Variants in UNC80 observed in about 807,000 individuals in gnomAD.
UNC80 encodes the protein unc-80 subunit of NALCN channel complex.
A neutral mutation model predicts 384.6 loss-of-function variants in UNC80; 164 were observed. The ratio of observed to expected loss-of-function variants is 0.43; its 90% CI spans 0.38 to 0.49. The LOEUF (loss-of-function observed/expected upper bound fraction) is 0.49. Ranked by LOEUF, UNC80 falls within the 20% of genes least tolerant of loss-of-function variation. The pLI, the probability that UNC80 is intolerant of heterozygous loss-of-function variation, is 0.00. For synonymous variants in UNC80, 1,486 were observed against 1,527.8 expected, an observed-to-expected ratio of 0.97 and a Z score of 0.64; for missense variants, 3,330 against 4,143.0, an observed-to-expected ratio of 0.80 and a Z score of 5.39.
intron 29 of UNC80, among the ~76,000 whole-genome samples, chr2:209,905,821 A>G (rs2088124844): frequency 6.6e-6 from 1 of 152,192 alleles, no homozygotes; most frequent in Non-Finnish European, 1.5e-5. Flanking sequence ...AACTACCCTG[A>G]GCAGCTGAGC....
chr2:209,774,341 A>G (rs897582358), intron 2 of UNC80, among the ~76,000 whole-genome samples: 8 of 152,188 alleles, frequency 5.3e-5, no homozygotes, highest in Non-Finnish European at 1.0e-4. Flanking sequence ...GACACTTGAA[A>G]TCTCAGACTT....
intron 22 of UNC80, among the ~76,000 whole-genome samples, chr2:209,870,927 C>T (rs776710728): frequency 1.1e-4 from 16 of 151,998 alleles, no homozygotes; most frequent in African/African-American, 3.1e-4. Flanking sequence ...CTCTGCAAGC[C>T]GTGAGACAAC....
chr2:209,802,430 T>C, intron 7 of UNC80, among the ~76,000 whole-genome samples: 1 of 152,286 alleles, frequency 6.6e-6, no homozygotes, highest in East Asian at 1.9e-4. Flanking sequence ...TATAATATTA[T>C]CCATCAATTT....
At chr2:209,776,708 T>C (rs1267887314) in intron 3 of UNC80, among the ~76,000 whole-genome samples, 3 of 152,248 alleles carry the variant, frequency 2.0e-5, no homozygotes, top group Non-Finnish European at 4.4e-5. Context: ...AAGCAACCAC[T>C]CTCATGAACT....
chr2:209,891,204 A>G (rs2086290176), intron 26 of UNC80, among the ~76,000 whole-genome samples: 1 of 152,188 alleles, frequency 6.6e-6, no homozygotes. Context: ...CAAGATCAAA[A>G]CGTTTTCACA....
intron 22 of UNC80, among the ~76,000 whole-genome samples, chr2:209,856,983 T>A (rs1362059623): frequency 6.6e-6 from 1 of 151,916 alleles, no homozygotes; most frequent in Non-Finnish European, 1.5e-5. Context: ...AGAGAAGGGG[T>A]TTCACCATAT....
intron 8 of UNC80, 85 bp downstream of exon 8, chr2:209,813,926 G>A (rs1306783986): frequency 6.8e-7 from 1 of 1,477,352 alleles, no homozygotes; most frequent in Non-Finnish European, 9.0e-7. Flanking sequence ...CAGCTCTTAG[G>A]TACTCTAGTG....
chr2:209,815,369 T>C lies in UNC80; in HGVS notation c.1313T>C (p.Leu438Pro), dbSNP rs200743585. 2.6e-4 allele frequency: 410 copies of C among 1,551,296 alleles called. No individual in the cohort carries two copies. The highest frequency in any genetic ancestry group is 4.5e-4 in the Admixed American group (23 of 50,866). ...RSAVPDLSSD[L>P]GMNIFKKFKS... Reference sequence around the variant, plus strand: ...GCAGTCCCAGATCTTTCTTCAGACCTGGGCATGAATATTTTTAAAAAGGTG... The same window carrying C: ...GCAGTCCCAGATCTTTCTTCAGACCCGGGCATGAATATTTTTAAAAAGGTG... Residue 438 changes from leucine to proline, a missense_variant, in exon 9 of 65, where the codon CTG becomes CCG. Leu to Pro is a moderately conservative substitution (Grantham distance 98). Transcript: ENST00000673920.
chr2:209,836,127 A>G (rs2081323208), intron 18 of UNC80, among the ~76,000 whole-genome samples: 1 of 152,010 alleles, frequency 6.6e-6, no homozygotes, highest in South Asian at 2.1e-4. Flanking sequence ...ATGAAAGGAT[A>G]AAAGTGTCAG....
rs992743372 is a variant in UNC80, at chr2:209,967,199, A to T, written c.7806-238A>T. Among the ~76,000 whole-genome samples the T allele has an allele frequency of 5.3e-5, 8 of 152,160 alleles. No individual in the cohort carries two copies. In the South Asian group the frequency reaches 1.0e-3, roughly 20 times the overall value. On this transcript the variant is annotated intron_variant, in intron 51 of 64. Transcript: ENST00000673920. ...CTCTGGATTTTAGTTTCCTCATCAG[A>T]TGCTCTTTACATGTTGTCTCTGAAG...
chr2:209,858,477 G>A (rs560496770), intron 22 of UNC80, among the ~76,000 whole-genome samples: 3 of 152,188 alleles, frequency 2.0e-5, no homozygotes, highest in Admixed American at 2.0e-4. Context: ...GGAGGCCAAG[G>A]TGGGCGGATC....
In UNC80 at chr2:209,959,505, C is replaced by G; in HGVS notation, c.7603C>G (p.Leu2535Val). ...LHFIRENLHL[L>V]EEGQGIPREE... ...ATTTCCCAGGGAAAACCTTCATTTACTGGAGGAAGGGCAAGGCATTCCCAG... is the reference window on the plus strand; with the variant it reads ...ATTTCCCAGGGAAAACCTTCATTTAGTGGAGGAAGGGCAAGGCATTCCCAG... The change falls in exon 51 of 65, where the codon CTG becomes GTG. Residue 2535 changes from leucine to valine, a missense_variant. Transcript: ENST00000673920. 1 of 1,551,636 alleles carries G rather than the reference C, an allele frequency of 6.4e-7. No homozygotes were observed.
chr2:209,790,333 G>A (rs1197161207), intron 6 of UNC80, among the ~76,000 whole-genome samples: 1 of 152,100 alleles, frequency 6.6e-6, no homozygotes, highest in African/African-American at 2.4e-5. Flanking sequence ...CTTTCCAACT[G>A]TTATTACTCA....
intron 13 of UNC80, 116 bp from the exon 14 acceptor site, chr2:209,825,791 C>A: frequency 2.1e-6 from 2 of 937,454 alleles, no homozygotes; most frequent in Non-Finnish European, 1.4e-6. Context: ...TTCCAAATTG[C>A]AGGTGCTCCC....
chr2:209,984,884 G>T lies in UNC80; in HGVS notation c.9286G>T (p.Gly3096Cys). 1 of 1,550,374 alleles carries T rather than the reference G, an allele frequency of 6.5e-7. No individual in the cohort carries two copies. Among genetic ancestry groups the T allele is most frequent in the Non-Finnish European group, 8.7e-7 (1 of 1,146,526 alleles). ...SEPNVLDDSQ[G>C]LAAEGSLSRV... ...ACCTAATGTCCTCGATGACTCCCAG[G>T]GCCTGGCCGCCGAGGGCAGCCTCTC... The change falls in exon 61 of 65, where the codon GGC becomes TGC. Residue 3096 changes from glycine to cysteine, a missense_variant. Gly to Cys is a radical substitution (Grantham distance 159, BLOSUM62 -3). Around this residue, in one of 8 missense-constraint regions of UNC80, gnomAD observed 216 missense variants for 245.3 expected, o/e 0.88. Transcript: ENST00000673920.
intron 18 of UNC80, among the ~76,000 whole-genome samples, chr2:209,837,153 A>G (rs982453807): frequency 2.6e-5 from 4 of 152,248 alleles, no homozygotes; most frequent in African/African-American, 9.6e-5. Context: ...ATGAGATTTT[A>G]AGAAATTCTG....
intron 13 of UNC80, among the ~76,000 whole-genome samples, chr2:209,824,489 G>A (rs903832900): frequency 6.6e-6 from 1 of 152,112 alleles, no homozygotes; most frequent in Non-Finnish European, 1.5e-5. Context: ...GACCTTTTTA[G>A]CAAACACACC....
chr2:209,844,697 G>C (rs981963011), intron 21 of UNC80, among the ~76,000 whole-genome samples: 4 of 151,214 alleles, frequency 2.6e-5, no homozygotes, highest in Non-Finnish European at 4.4e-5. Context: ...TCAAATGATC[G>C]TCCTGCCTCA....
intron 61 of UNC80, among the ~76,000 whole-genome samples, chr2:209,990,946 G>A (rs1395115619): frequency 1.3e-5 from 2 of 152,126 alleles, no homozygotes; most frequent in Non-Finnish European, 2.9e-5. Context: ...ATTTTTTAGT[G>A]GAAGTGTAAG....
Sources: gnomAD v4.1 joint callset for allele counts (sites outside exome capture counted in the v4.1 genomes callset) on GRCh38, gnomAD v4.1.1 for gene constraint, gnomAD v4.1.1 regional missense constraint, MANE v1.5 for transcripts, NCBI Gene and HGNC (gene_info 2026-07-23, HGNC 2026-07-21) for gene names.